Variants in POLR2F observed in about 807,000 individuals in gnomAD.
The protein encoded by POLR2F is DNA-directed RNA polymerases I, II, and III subunit RPABC2.
POLR2F carries 12 observed loss-of-function variants against 22.7 expected under a neutral mutation model. The ratio of observed to expected loss-of-function variants is 0.53; its 90% CI spans 0.34 to 0.86. The LOEUF is 0.86. POLR2F is among the 40% of genes least tolerant of loss of function. POLR2F has a pLI of 0.02. For missense variants in POLR2F, 126 were observed against 171.5 expected (o/e 0.73, Z 1.48); for synonymous variants, 57 against 66.0 (o/e 0.86, Z 0.66).
At chr22:37,966,799 G>A (rs1931868649) in intron 3 of POLR2F, among the ~76,000 whole-genome samples, 1 of 152,170 alleles carries the variant, frequency 6.6e-6, no homozygotes, top group African/African-American at 2.4e-5. Flanking sequence ...AAATTGAAAT[G>A]AGGTGCACTG....
At chr22:37,965,047 C>T (rs889827348) in intron 3 of POLR2F, among the ~76,000 whole-genome samples, 2 of 152,230 alleles carry the variant, frequency 1.3e-5, no homozygotes, top group Non-Finnish European at 2.9e-5. Context: ...CACTCTGTCA[C>T]CTAGGCTGGA....
chr22:38,010,617 T>G (rs892593901), intron 1 of POLR2F, among the ~76,000 whole-genome samples: 1 of 135,754 alleles, frequency 7.4e-6, no homozygotes, highest in East Asian at 2.1e-4. Context: ...TTTTTTTTTT[T>G]TTTTTTTTTT....
chr22:38,041,909 A>G (rs2085175569), downstream of POLR2F: 1 of 152,234 alleles, frequency 6.6e-6, no homozygotes, highest in Non-Finnish European at 1.5e-5. Flanking sequence ...CTGTTATCAA[A>G]AAGCAAGAGA....
upstream of POLR2F, chr22:37,983,944 G>A (rs1214570582): frequency 6.5e-6 from 3 of 461,320 alleles, no homozygotes; most frequent in Non-Finnish European, 1.0e-5. The surrounding 1 kb of genome is among the most constrained non-coding windows in gnomAD (Gnocchi z 9.5). Context: ...CGTGGGCACA[G>A]CCCCGAGGTG....
intron 1 of POLR2F, among the ~76,000 whole-genome samples, chr22:37,994,576 T>C (rs1211404784): frequency 6.6e-6 from 1 of 152,152 alleles, no homozygotes; most frequent in Non-Finnish European, 1.5e-5. Context: ...TGGAGTGCAG[T>C]GGAGTGATCT....
At chr22:37,977,890 T>A (rs1264523680) in intron 4 of POLR2F, 1 of 1,612,028 alleles carries the variant, frequency 6.2e-7, no homozygotes, top group Non-Finnish European at 8.5e-7. Context: ...GGGGTTCCCA[T>A]CTGACATGGG....
chr22:37,986,773 A>T lies in POLR2F; in HGVS notation c.120+461A>T, dbSNP rs776237570. On this transcript the variant is annotated intron_variant, in intron 1 of 2. Coordinates refer to the POLR2F transcript ENST00000333418. The surrounding 1 kb of genome is among the most constrained non-coding windows in gnomAD (Gnocchi z 4.7). Reference sequence around the variant, plus strand: ...TGGTTGGGGCCCCTGCTGCGAACACATCCCTGCCCACCATGCTGGCAACTG... The same window carrying T: ...TGGTTGGGGCCCCTGCTGCGAACACTTCCCTGCCCACCATGCTGGCAACTG... The T allele has an allele frequency of 2.1e-6, 1 of 466,044 alleles. No individual in the cohort carries two copies. The highest frequency in any genetic ancestry group is 1.5e-5 in the South Asian group (1 of 64,654). The allele number at this position is 466,044 out of a possible 1,614,324, so 28.9% of individuals were successfully genotyped here.
Position 37,986,928 on chromosome 22 carries a change from G to T in POLR2F, c.120+616G>T, listed in dbSNP as rs1171846557. 2.2e-6 allele frequency: 1 copy of T among 452,530 alleles called. No individual in the cohort carries two copies. Among genetic ancestry groups the T allele is most frequent in the Non-Finnish European group, 4.5e-6 (1 of 224,102 alleles). The allele number at this position is 452,530 out of a possible 1,614,324, so 28.0% of individuals were successfully genotyped here. ...GAGGGATCCTGGCTGAAGACACCTG[G>T]GCCTCTGCCCCAGCAGGACAACAGG... is the stretch of plus-strand genomic sequence containing the variant. On this transcript the variant is annotated intron_variant, in intron 1 of 2. Coordinates refer to the POLR2F transcript ENST00000333418. This position sits in a 1 kb window ranked among gnomAD's most constrained non-coding sequence, Gnocchi z 4.7.
intron 1 of POLR2F, among the ~76,000 whole-genome samples, chr22:38,011,247 A>G (rs1341331227): frequency 2.0e-5 from 3 of 151,572 alleles, no homozygotes; most frequent in African/African-American, 7.3e-5. Flanking sequence ...GACTATAGGC[A>G]TTCGCACCAT....
At chr22:37,999,934 T>C in intron 1 of POLR2F, among the ~76,000 whole-genome samples, 1 of 152,210 alleles carries the variant, frequency 6.6e-6, no homozygotes, top group East Asian at 1.9e-4. Flanking sequence ...GAAGGCACAC[T>C]GTGCACACCA....
intron 1 of POLR2F, among the ~76,000 whole-genome samples, chr22:37,996,665 G>A (rs961906774): frequency 2.0e-5 from 3 of 152,202 alleles, no homozygotes; most frequent in Non-Finnish European, 2.9e-5. Flanking sequence ...GGTGGGACCT[G>A]GGAGGCCTCA....
At chr22:38,007,752 GGGGAACTCACACTAGTTGT>G (rs1281926039) in intron 1 of POLR2F, among the ~76,000 whole-genome samples, 1 of 152,244 alleles carries the variant, frequency 6.6e-6, no homozygotes, top group African/African-American at 2.4e-5. Flanking sequence ...GGGAGGGAGA[GGGGAACTCACACTAGTTGT>G]GGTCATGGTA....
chr22:37,963,676 A>G (rs1212981423), intron 3 of POLR2F, among the ~76,000 whole-genome samples: 1 of 152,252 alleles, frequency 6.6e-6, no homozygotes, highest in Non-Finnish European at 1.5e-5. Context: ...ATAGGCTAAA[A>G]GTGGCCCAGT....
chr22:37,981,661 C>A (rs142654396), upstream of POLR2F, among the ~76,000 whole-genome samples: 10 of 152,280 alleles, frequency 6.6e-5, no homozygotes, highest in African/African-American at 2.2e-4. Flanking sequence ...CAGAGTCTGC[C>A]CTATCTGTAT....
In POLR2F at chr22:37,986,276, C is replaced by T. The variant is rs781711283; in HGVS notation, c.86C>T (p.Pro29Leu). 6 of 1,538,760 alleles carry T rather than the reference C, an allele frequency of 3.9e-6. No individual in the cohort carries two copies. The highest frequency in any genetic ancestry group is 2.4e-5 in the East Asian group (1 of 40,914). The change falls in exon 1 of 3, where the codon CCG becomes CTG. Residue 29 changes from proline to leucine, a missense_variant. By Grantham distance (98) the Pro-to-Leu change is moderately conservative. Transcript: ENST00000333418. The surrounding 1 kb of genome is among the most constrained non-coding windows in gnomAD (Gnocchi z 4.7). The stretch of plus-strand genomic sequence containing the variant: ...GTCGCCTCCAACACCCGCTGCTGCC[C>T]GCCCGCTGCCTGCCTGCCTGGCATC...
chr22:38,007,904 A>G (rs556362957), intron 1 of POLR2F, among the ~76,000 whole-genome samples: 394 of 152,356 alleles, frequency 2.6e-3, no homozygotes, highest in African/African-American at 8.9e-3. Context: ...ACTTGCCTTC[A>G]GAGCTCTGCC....
chr22:38,039,078 C>T (rs890447826), intron 5 of POLR2F, among the ~76,000 whole-genome samples: 7 of 152,210 alleles, frequency 4.6e-5, no homozygotes, highest in African/African-American at 1.4e-4. Flanking sequence ...CGCCATTTCC[C>T]GCGGCCCTTG....
At chr22:37,977,093 G>A (rs1012838361) in intron 4 of POLR2F, among the ~76,000 whole-genome samples, 2 of 150,908 alleles carry the variant, frequency 1.3e-5, no homozygotes, top group Non-Finnish European at 3.0e-5. Context: ...GCTTGAACCC[G>A]GGAGGAAAAG....
chr22:38,016,506 T>C lies in POLR2F; in HGVS notation c.121-9363T>C, dbSNP rs1569181399. Among the ~76,000 whole-genome samples the C allele has an allele frequency of 6.6e-6, 1 of 152,196 alleles. No homozygotes were observed. The highest frequency in any genetic ancestry group is 2.4e-5 in the African/African-American group (1 of 41,446). On this transcript the variant is annotated intron_variant, in intron 1 of 2. Coordinates refer to the POLR2F transcript ENST00000333418. The surrounding 1 kb of genome is among the most constrained non-coding windows in gnomAD (Gnocchi z 4.4). ...TTTAGCCATGATGCCCTCTGACCTTTCATAAATCAGAGGGGCTTAGGGGCG... is the reference window on the plus strand; with the variant it reads ...TTTAGCCATGATGCCCTCTGACCTTCCATAAATCAGAGGGGCTTAGGGGCG...
Sources: allele counts gnomAD v4.1 joint callset (sites outside exome capture counted in the v4.1 genomes callset), GRCh38; gene constraint gnomAD v4.1.1; non-coding constraint Gnocchi (gnomAD v3.1); transcripts MANE v1.5; gene names NCBI Gene and HGNC (gene_info 2026-07-23, HGNC 2026-07-21).